Variants in BACH2 observed in about 807,000 individuals in gnomAD.
BACH2 encodes transcription regulator protein BACH2.
Under a neutral mutation model 61.8 loss-of-function variants are expected in BACH2, and 5 were observed. That is an observed-to-expected ratio of 0.08 (90% CI 0.04 to 0.17). The LOEUF is 0.17. Ranked by LOEUF, BACH2 falls within the 10% of genes least tolerant of loss-of-function variation. BACH2 has a pLI of 1.00. For synonymous variants in BACH2, 446 were observed against 440.1 expected, an observed-to-expected ratio of 1.01 and a Z score of -0.17; for missense variants, 824 against 1,091.1, an observed-to-expected ratio of 0.76 and a Z score of 3.45.
At chr6:89,945,551 T>C (rs1452355239) in intron 7 of BACH2, among the ~76,000 whole-genome samples, 1 of 151,814 alleles carries the variant, frequency 6.6e-6, no homozygotes, top group Non-Finnish European at 1.5e-5. Context: ...CTGAGGGGAG[T>C]GGGCAATGAG....
chr6:89,974,860 C>T (rs1775566085), intron 6 of BACH2, among the ~76,000 whole-genome samples: 1 of 152,120 alleles, frequency 6.6e-6, no homozygotes, highest in Admixed American at 6.5e-5. Context: ...AAAAAGTAGA[C>T]ACGTATGTAT....
intron 2 of BACH2, among the ~76,000 whole-genome samples, chr6:90,255,045 C>G (rs1286595094): frequency 3.3e-5 from 5 of 152,226 alleles, no homozygotes; most frequent in African/African-American, 1.2e-4. Flanking sequence ...ACTTCAGAGC[C>G]CTAATAGAGA....
chr6:90,209,335 T>C (rs1769263901), intron 3 of BACH2, among the ~76,000 whole-genome samples: 1 of 152,226 alleles, frequency 6.6e-6, no homozygotes, highest in Non-Finnish European at 1.5e-5. Context: ...GCCTGGGTAA[T>C]CATGGCTTCA....
At chr6:89,986,122 C>G (rs1362795276) in intron 6 of BACH2, among the ~76,000 whole-genome samples, 2 of 152,116 alleles carry the variant, frequency 1.3e-5, no homozygotes, top group African/African-American at 4.8e-5. Context: ...CTGAACTCAG[C>G]CCCCTGCCTG....
At chr6:90,195,288 C>T (rs1361105982) in intron 4 of BACH2, among the ~76,000 whole-genome samples, 1 of 152,108 alleles carries the variant, frequency 6.6e-6, no homozygotes, top group Non-Finnish European at 1.5e-5. Context: ...GCGTTTCTGA[C>T]ATTACACCAA....
chr6:89,952,553 A>T (rs1049160981), intron 6 of BACH2, among the ~76,000 whole-genome samples: 2 of 152,128 alleles, frequency 1.3e-5, no homozygotes, highest in African/African-American at 4.8e-5. Flanking sequence ...GCCCATAATG[A>T]ATGGGGGTTG....
chr6:90,265,458 T>C (rs965559203), intron 2 of BACH2, among the ~76,000 whole-genome samples: 1 of 152,204 alleles, frequency 6.6e-6, no homozygotes, highest in African/African-American at 2.4e-5. Context: ...CTTTCTTTAA[T>C]ATATTTGTGC....
intron 4 of BACH2, among the ~76,000 whole-genome samples, chr6:90,126,928 A>G (rs771970337): frequency 6.6e-6 from 1 of 151,968 alleles, no homozygotes; most frequent in African/African-American, 2.4e-5. Context: ...TGCTCCTCCT[A>G]CTCCAGCCAA....
chr6:90,250,995 C>T (rs1770789578), intron 3 of BACH2, among the ~76,000 whole-genome samples: 2 of 152,098 alleles, frequency 1.3e-5, no homozygotes, highest in Admixed American at 1.3e-4. Context: ...GATCACATAT[C>T]CAAGGGATAG....
Position 90,008,488 on chromosome 6 carries a change from C to A in BACH2, c.243+114G>T, listed in dbSNP as rs1777530944. On this transcript the variant is annotated intron_variant, in intron 6 of 8. Coordinates refer to ENST00000257749, the MANE Select transcript of BACH2 (RefSeq NM_021813.4). This position sits in a 1 kb window ranked among gnomAD's most constrained non-coding sequence, Gnocchi z 4.1. ...CCACAGACCTAACATGTGACTTGGACATCAACTCCTGAGTGGGGACATGGC... is the reference window on the plus strand; with the variant it reads ...CCACAGACCTAACATGTGACTTGGAAATCAACTCCTGAGTGGGGACATGGC... 2.3e-6 allele frequency: 3 copies of A among 1,331,690 alleles called. No homozygotes were observed. Among genetic ancestry groups the A allele is most frequent in the Non-Finnish European group, 3.1e-6 (3 of 960,614 alleles). 82.5% of individuals were successfully genotyped at this position (1,331,690 alleles called of 1,614,324 possible). A position where few individuals can be genotyped will look rare whatever the true frequency, so the allele number is the denominator to read the frequency against.
intron 2 of BACH2, among the ~76,000 whole-genome samples, chr6:90,271,377 A>AAAAAAG (rs1771515602): frequency 6.7e-6 from 1 of 149,912 alleles, no homozygotes; most frequent in African/African-American, 2.4e-5. Context: ...AAAAAAAAAA[A>AAAAAAG]AAAAAGAAAA....
chr6:90,079,913 T>C (rs1781647934), intron 5 of BACH2, among the ~76,000 whole-genome samples: 1 of 151,746 alleles, frequency 6.6e-6, no homozygotes, highest in African/African-American at 2.4e-5. Context: ...GTTTGTACTT[T>C]CATTTTTTTT....
intron 4 of BACH2, among the ~76,000 whole-genome samples, chr6:90,180,612 A>C (rs1004470616): frequency 6.6e-6 from 1 of 152,144 alleles, no homozygotes; most frequent in Non-Finnish European, 1.5e-5. Flanking sequence ...ACCTGCTTAT[A>C]AGTGAGAACA....
At chr6:90,225,187 C>T (rs1257853832) in intron 3 of BACH2, among the ~76,000 whole-genome samples, 2 of 152,074 alleles carry the variant, frequency 1.3e-5, no homozygotes, top group African/African-American at 4.8e-5. Flanking sequence ...GAGTTCAAGA[C>T]CAGCTTGGGC....
In BACH2 at chr6:90,200,164, A is replaced by G. The variant is rs114930054; in HGVS notation, c.-162+6405T>C. On this transcript the variant is annotated intron_variant, in intron 4 of 8. Transcript: ENST00000257749. ...ACCGTTGTGTATAGTCAAGAGAGAA[A>G]GGGTGAAACAGGTAAATTGTATCTT... is the stretch of plus-strand genomic sequence containing the variant. Among the ~76,000 whole-genome samples the G allele has an allele frequency of 1.3e-3, 198 of 152,308 alleles. 1 individual carries two copies. Among genetic ancestry groups the G allele is most frequent in the African/African-American group, 4.6e-3 (192 of 41,548 alleles).
rs867744231 is a variant in BACH2, at chr6:90,208,194, A to T, written c.-274-1513T>A. ...CCAAAAGCAATGGCAACAAAAGCCA[A>T]AATTGACAAATGGGATCTAATTAAA... On this transcript the variant is annotated intron_variant, in intron 3 of 8. Coordinates refer to ENST00000257749, the MANE Select transcript of BACH2 (RefSeq NM_021813.4). 3.0e-4 allele frequency among the ~76,000 whole-genome samples: 46 copies of T among 152,364 alleles called. No individual in the cohort carries two copies. In the Middle Eastern group the frequency reaches 0.01, roughly 34 times the overall value.
Position 90,076,799 on chromosome 6 carries a change from T to C in BACH2, c.-13+12162A>G, listed in dbSNP as rs550934771. ...GCAATTTCACCTTCCTCCGTGCCCT[T>C]CTCTGGTGTGCACGTACACATTCAC... On this transcript the variant is annotated intron_variant, in intron 5 of 8. Transcript: ENST00000257749. 1.3e-4 allele frequency among the ~76,000 whole-genome samples: 20 copies of C among 152,262 alleles called. No homozygotes were observed. The East Asian group carries it at 2.7e-3, about 21-fold the overall frequency.
chr6:90,273,605 C>T (rs1771597801), intron 1 of BACH2, among the ~76,000 whole-genome samples: 1 of 152,136 alleles, frequency 6.6e-6, no homozygotes, highest in African/African-American at 2.4e-5. Context: ...AACTCTTCTT[C>T]TCTTGGCTCC....
intron 1 of BACH2, among the ~76,000 whole-genome samples, chr6:90,275,108 T>C: frequency 6.6e-6 from 1 of 152,236 alleles, no homozygotes; most frequent in Non-Finnish European, 1.5e-5. Context: ...GCAATTCACA[T>C]GTTTGGAGCA....
Sources: allele counts gnomAD v4.1 joint callset (sites outside exome capture counted in the v4.1 genomes callset), GRCh38; gene constraint gnomAD v4.1.1; non-coding constraint Gnocchi (gnomAD v3.1); transcripts MANE v1.5; gene names NCBI Gene and HGNC (gene_info 2026-07-23, HGNC 2026-07-21).